The following CDH4 variants were observed in gnomAD, a reference collection of about 807,000 sequenced individuals.
The protein encoded by CDH4 is cadherin 4, also known as cadherin-4.
CDH4 carries 33 observed loss-of-function variants against 86.0 expected under a neutral mutation model. The observed-to-expected ratio is 0.38, with a 90% CI of 0.29 to 0.51. The LOEUF (loss-of-function observed/expected upper bound fraction) is 0.51, where lower values mean the gene tolerates loss of function less well. CDH4 is among the 20% of genes least tolerant of loss of function. The probability of loss-of-function intolerance (pLI) is 0.86; values close to 1 mark genes in which losing one functional copy is unlikely to be tolerated. For synonymous variants in CDH4, 555 were observed against 549.4 expected, an observed-to-expected ratio of 1.01 and a Z score of -0.14; for missense variants, 1,114 against 1,307.4, an observed-to-expected ratio of 0.85 and a Z score of 2.28.
At chr20:61,459,213 G>A (rs2085428413) in intron 2 of CDH4, among the ~76,000 whole-genome samples, 1 of 151,968 alleles carries the variant, frequency 6.6e-6, no homozygotes, top group African/African-American at 2.4e-5. Context: ...CCAGAAGGTT[G>A]GTCCTGTGGG....
intron 7 of CDH4, among the ~76,000 whole-genome samples, chr20:61,877,768 G>A (rs1479364839): frequency 2.0e-5 from 3 of 152,188 alleles, no homozygotes; most frequent in Non-Finnish European, 4.4e-5. Context: ...GTGAAACCTG[G>A]GACCCCCATG....
chr20:61,934,253 A>C (rs2055151924), intron 15 of CDH4, 33 bp downstream of exon 15: 2 of 1,506,224 alleles, frequency 1.3e-6, no homozygotes, highest in African/African-American at 1.4e-5. Flanking sequence ...GGGCCCGGGC[A>C]AGGTGTCTCC....
chr20:61,451,296 C>T (rs190556319), intron 2 of CDH4, among the ~76,000 whole-genome samples: 158 of 152,190 alleles, frequency 1.0e-3, no homozygotes, highest in Middle Eastern at 0.01. Flanking sequence ...CACGGACCAC[C>T]ATGGAGCATG....
chr20:61,534,591 G>C (rs1433491924), intron 2 of CDH4, among the ~76,000 whole-genome samples: 1 of 150,990 alleles, frequency 6.6e-6, no homozygotes, highest in African/African-American at 2.4e-5. Context: ...CGGTGTTGCT[G>C]TCCTCTCCTT....
chr20:61,905,365 A>G (rs142686442), intron 8 of CDH4, among the ~76,000 whole-genome samples: 2,637 of 152,356 alleles, frequency 0.017, 34 homozygotes, highest in Admixed American at 0.024. Context: ...GAATGGACGC[A>G]GAGAGCGCCG....
chr20:61,839,120 T>C (rs1294079610), intron 4 of CDH4, among the ~76,000 whole-genome samples: 2 of 152,252 alleles, frequency 1.3e-5, no homozygotes, highest in East Asian at 3.8e-4. Context: ...AACACCTCGC[T>C]GAAGAATTAC....
chr20:61,936,701 C>T lies in CDH4; in HGVS notation c.2545-36C>T, dbSNP rs775012078. On this transcript the variant is annotated intron_variant, in intron 15 of 15. Coordinates refer to ENST00000614565, the MANE Select transcript of CDH4 (RefSeq NM_001794.5). Reference sequence around the variant, plus strand: ...ATCTGATCCCGGGGCTGAGACAACGCGTCCTGCACCCTAACTCTGTGTCTG... The same window carrying T: ...ATCTGATCCCGGGGCTGAGACAACGTGTCCTGCACCCTAACTCTGTGTCTG... 6.9e-6 allele frequency: 10 copies of T among 1,455,684 alleles called. No individual in the cohort carries two copies. In the Admixed American group the frequency reaches 1.0e-4, roughly 15 times the overall value. 90.2% of individuals were successfully genotyped at this position (1,455,684 alleles called of 1,614,324 possible).
intron 2 of CDH4, among the ~76,000 whole-genome samples, chr20:61,519,173 G>A (rs1030470768): frequency 7.2e-5 from 11 of 152,196 alleles, no homozygotes; most frequent in African/African-American, 2.4e-4. Context: ...TTCACAGTCC[G>A]CAAGGAAGAA....
At chr20:61,883,728 C>T (rs1226788875) in intron 7 of CDH4, among the ~76,000 whole-genome samples, 3 of 152,166 alleles carry the variant, frequency 2.0e-5, no homozygotes, top group Admixed American at 6.5e-5. Context: ...AAGAGAGGCC[C>T]CAGGGAGGAG....
chr20:61,645,700 T>C (rs960748896), intron 2 of CDH4, among the ~76,000 whole-genome samples: 1 of 151,570 alleles, frequency 6.6e-6, no homozygotes, highest in Non-Finnish European at 1.5e-5. Flanking sequence ...TGCGGAGAGC[T>C]GCACACCCAC....
At chr20:61,658,686 G>T (rs747045363) in intron 2 of CDH4, among the ~76,000 whole-genome samples, 16 of 152,316 alleles carry the variant, frequency 1.1e-4, no homozygotes, top group Non-Finnish European at 2.2e-4. Context: ...CCCGGGCTTG[G>T]GGGTCTGGGG....
At chr20:61,513,875 C>T (rs1044298518) in intron 2 of CDH4, among the ~76,000 whole-genome samples, 1 of 152,154 alleles carries the variant, frequency 6.6e-6, no homozygotes, top group Non-Finnish European at 1.5e-5. Flanking sequence ...TGTTACTGAA[C>T]CCATCTGGGG....
At position 61,928,361 on chromosome 20, in the gene CDH4, T is replaced by A. The variant is rs2122991922; in HGVS notation, c.1943T>A (p.Val648Asp). ...ADVDPNIGPY[V>D]FELPFVPAAV... ...GTCGACCCCAACATCGGCCCCTACG[T>A]CTTCGAGCTGCCCTTTGTCCCGGCG... is the stretch of plus-strand genomic sequence containing the variant. Residue 648 changes from valine to aspartate, a missense_variant, in exon 12 of 16, where the codon GTC becomes GAC. Physicochemically the swap from Val to Asp is radical, Grantham distance 152. Transcript: ENST00000614565. 1 of 1,611,780 alleles carries A rather than the reference T, an allele frequency of 6.2e-7. No homozygotes were observed.
At chr20:61,610,812 G>A (rs567309185) in intron 2 of CDH4, among the ~76,000 whole-genome samples, 1 of 152,298 alleles carries the variant, frequency 6.6e-6, no homozygotes, top group East Asian at 1.9e-4. Context: ...CATTTCCTGA[G>A]CCTGTGACCC....
At chr20:61,781,565 G>T (rs1978544968) in intron 4 of CDH4, among the ~76,000 whole-genome samples, 1 of 152,214 alleles carries the variant, frequency 6.6e-6, no homozygotes, top group Non-Finnish European at 1.5e-5. Context: ...TTTGAAGATG[G>T]ATCAATACAA....
intron 5 of CDH4, among the ~76,000 whole-genome samples, chr20:61,850,941 C>T (rs1982693967): frequency 6.6e-6 from 1 of 152,264 alleles, no homozygotes; most frequent in African/African-American, 2.4e-5. Context: ...GCTGCTCCCG[C>T]TGCTACAGAT....
At chr20:61,323,605 G>A (rs1419455042) in intron 2 of CDH4, among the ~76,000 whole-genome samples, 1 of 152,130 alleles carries the variant, frequency 6.6e-6, no homozygotes, top group Non-Finnish European at 1.5e-5. Context: ...CCTGCTCCCT[G>A]ACGGTGATAA....
rs192323385 is a variant in CDH4, at chr20:61,570,236, C to T, written c.170-173327C>T. 557 of 177,738 alleles carry T rather than the reference C, an allele frequency of 3.1e-3. 1 individual carries two copies. Among genetic ancestry groups the T allele is most frequent in the Non-Finnish European group, 4.2e-3 (342 of 81,824 alleles). The allele number at this position is 177,738 out of a possible 1,614,324, so 11.0% of individuals were successfully genotyped here. A position where few individuals can be genotyped will look rare whatever the true frequency, so the allele number is the denominator to read the frequency against. On this transcript the variant is annotated intron_variant, in intron 2 of 15. Coordinates refer to ENST00000614565, the MANE Select transcript of CDH4 (RefSeq NM_001794.5). Reference sequence around the variant, plus strand: ...GCTGGGCTACCTAGATTCTATGGTACAGCAAGAGAAGCTGTTTGTATGCAC... The same window carrying T: ...GCTGGGCTACCTAGATTCTATGGTATAGCAAGAGAAGCTGTTTGTATGCAC...
At chr20:61,704,566 G>A (rs191231965) in intron 2 of CDH4, among the ~76,000 whole-genome samples, 10 of 152,302 alleles carry the variant, frequency 6.6e-5, no homozygotes, top group Admixed American at 3.9e-4. Flanking sequence ...GGATCCGGTG[G>A]CCACAGCGTG....
Sources: gnomAD v4.1 joint callset for allele counts (sites outside exome capture counted in the v4.1 genomes callset) on GRCh38, gnomAD v4.1.1 for gene constraint, MANE v1.5 for transcripts, NCBI Gene and HGNC (gene_info 2026-07-23, HGNC 2026-07-21) for gene names.